LINGO2: variants seen among roughly 807,000 people sequenced by gnomAD.
The protein encoded by LINGO2 is leucine rich repeat and Ig domain containing 2.
A neutral mutation model predicts 30.6 loss-of-function variants in LINGO2; 14 were observed. That is an observed-to-expected ratio of 0.46 (90% CI 0.30 to 0.72). The LOEUF (loss-of-function observed/expected upper bound fraction) is 0.72. LINGO2 is among the 30% of genes least tolerant of loss of function. The probability of loss-of-function intolerance (pLI) is 0.07; values close to 1 mark genes in which losing one functional copy is unlikely to be tolerated. For missense variants in LINGO2, 729 were observed against 751.7 expected, an observed-to-expected ratio of 0.97 and a Z score of 0.35; for synonymous variants, 317 against 288.5, an observed-to-expected ratio of 1.10 and a Z score of -1.00.
chr9:28,714,043 C>T, the LINGO2 span, among the ~76,000 whole-genome samples: 2 of 151,672 alleles, frequency 1.3e-5, no homozygotes, highest in African/African-American at 4.8e-5. Context: ...CCTGCAATCC[C>T]AGGTACTCGG....
At chr9:28,246,411 A>C (rs764429498) in intron 4 of LINGO2, among the ~76,000 whole-genome samples, 4 of 152,148 alleles carry the variant, frequency 2.6e-5, no homozygotes, top group Non-Finnish European at 5.9e-5. Context: ...TGGGTGACAG[A>C]GTGAGACTCC....
At chr9:28,740,453 G>A in the LINGO2 span, among the ~76,000 whole-genome samples, 1 of 151,494 alleles carries the variant, frequency 6.6e-6, no homozygotes, top group Non-Finnish European at 1.5e-5. Flanking sequence ...ATCTTCCTTT[G>A]GAATTTTGTT....
chr9:28,755,234 A>G, the LINGO2 span, among the ~76,000 whole-genome samples: 10 of 152,258 alleles, frequency 6.6e-5, no homozygotes, highest in South Asian at 2.1e-3. Context: ...TTCTTAAAGT[A>G]CAAATAAAAC....
chr9:28,292,467 T>C (rs1173932906), intron 4 of LINGO2, among the ~76,000 whole-genome samples: 1 of 152,188 alleles, frequency 6.6e-6, no homozygotes, highest in Admixed American at 6.5e-5. Context: ...TCTTTATTTT[T>C]TAATTTTATT....
At chr9:27,942,302 C>T in the LINGO2 span, 1 of 152,146 alleles carries the variant, frequency 6.6e-6, no homozygotes, top group African/African-American at 2.4e-5. Context: ...ACCTCACGTT[C>T]CCTGTGAGAC....
At chr9:28,175,638 A>G (rs1446323739) in intron 4 of LINGO2, among the ~76,000 whole-genome samples, 1 of 152,200 alleles carries the variant, frequency 6.6e-6, no homozygotes, top group East Asian at 1.9e-4. Flanking sequence ...ACGAGATATG[A>G]TCCTTTGCTC....
intron 4 of LINGO2, among the ~76,000 whole-genome samples, chr9:28,082,646 A>G (rs943948138): frequency 7.2e-5 from 11 of 152,120 alleles, no homozygotes; most frequent in African/African-American, 2.7e-4. Context: ...TTCTAATCAG[A>G]GTTGTATTAT....
intron 4 of LINGO2, among the ~76,000 whole-genome samples, chr9:28,069,355 C>A (rs1035377534): frequency 6.6e-6 from 1 of 152,078 alleles, no homozygotes; most frequent in Admixed American, 6.6e-5. Flanking sequence ...TCACTCCAAG[C>A]ATAGACATAC....
the LINGO2 span, among the ~76,000 whole-genome samples, chr9:29,135,870 CA>C: frequency 6.6e-6 from 1 of 152,146 alleles, no homozygotes; most frequent in African/African-American, 2.4e-5. Flanking sequence ...TGAGCTCATA[CA>C]GTGTTTGTCT....
chr9:28,101,769 T>C (rs1415924798), intron 4 of LINGO2, among the ~76,000 whole-genome samples: 2 of 152,154 alleles, frequency 1.3e-5, no homozygotes, highest in Admixed American at 1.3e-4. Context: ...CCCACACTGC[T>C]AGAAGCCAAG....
chr9:28,817,534 A>AG, the LINGO2 span, among the ~76,000 whole-genome samples: 1 of 152,208 alleles, frequency 6.6e-6, no homozygotes, highest in Admixed American at 6.5e-5. Flanking sequence ...GATGACCACT[A>AG]GCTGAGCCCA....
intron 4 of LINGO2, among the ~76,000 whole-genome samples, chr9:28,056,418 T>C (rs937840929): frequency 3.9e-5 from 6 of 152,132 alleles, no homozygotes; most frequent in Non-Finnish European, 7.4e-5. Context: ...CAGTTAAATA[T>C]TGTTTTTGTC....
the LINGO2 span, among the ~76,000 whole-genome samples, chr9:28,776,663 C>A: frequency 3.8e-4 from 58 of 152,150 alleles, no homozygotes; most frequent in Middle Eastern, 0.014. Context: ...CCATGTTAAG[C>A]ACAGAAAATA....
intron 4 of LINGO2, among the ~76,000 whole-genome samples, chr9:28,263,532 A>C (rs1822638934): frequency 6.6e-6 from 1 of 151,936 alleles, no homozygotes. Flanking sequence ...ATCTGACCTA[A>C]AATAATATCA....
At chr9:29,197,417 C>T in the LINGO2 span, among the ~76,000 whole-genome samples, 1 of 151,734 alleles carries the variant, frequency 6.6e-6, no homozygotes, top group Non-Finnish European at 1.5e-5. Context: ...ATCAACTTGG[C>T]GTAGATCTTT....
chr9:28,380,687 A>G (rs769203635), intron 2 of LINGO2, among the ~76,000 whole-genome samples: 2 of 152,106 alleles, frequency 1.3e-5, no homozygotes, highest in African/African-American at 2.4e-5. Context: ...ATAGGAAGCT[A>G]CAAAGTCTTT....
the LINGO2 span, among the ~76,000 whole-genome samples, chr9:29,161,575 C>G: frequency 6.6e-6 from 1 of 152,296 alleles, no homozygotes; most frequent in Middle Eastern, 3.4e-3. Flanking sequence ...ACCTGGAGGG[C>G]CTTGATAGTT....
the LINGO2 span, among the ~76,000 whole-genome samples, chr9:29,108,175 C>A: frequency 6.6e-6 from 1 of 152,144 alleles, no homozygotes; most frequent in Non-Finnish European, 1.5e-5. Context: ...TTATATACTA[C>A]ATTATTTCAT....
the LINGO2 span, among the ~76,000 whole-genome samples, chr9:29,072,612 G>GATATAT: frequency 2.2e-5 from 3 of 135,704 alleles, no homozygotes; most frequent in African/African-American, 5.2e-5. Flanking sequence ...GTCTCTCTTT[G>GATATAT]ATATATATAT....
Sources: allele counts gnomAD v4.1 joint callset (sites outside exome capture counted in the v4.1 genomes callset), GRCh38; gene constraint gnomAD v4.1.1; transcripts MANE v1.5; gene names NCBI Gene and HGNC (gene_info 2026-07-23, HGNC 2026-07-21).